The following C4orf54 variants were observed in gnomAD, a reference collection of about 807,000 sequenced individuals.
C4orf54 encodes the protein uncharacterized protein C4orf54.
In C4orf54, 67 loss-of-function variants were observed where a neutral mutation model predicts 80.1. The observed-to-expected ratio is 0.84, with a 90% CI of 0.69 to 1.03. The LOEUF (loss-of-function observed/expected upper bound fraction) is 1.03, where lower values mean the gene tolerates loss of function less well. Among genes scored for constraint, C4orf54 ranks in the 50% least tolerant of loss-of-function variants. The pLI is 0.00. For synonymous variants in C4orf54, 1,000 were observed against 917.0 expected (o/e 1.09, Z -1.64); for missense variants, 2,434 against 2,253.5 (o/e 1.08, Z -1.62).
Position 99,650,750 on chromosome 4 carries a change from T to A in C4orf54, c.3899A>T (p.Glu1300Val). 2 of 1,536,062 alleles carry A rather than the reference T, an allele frequency of 1.3e-6. No individual in the cohort carries two copies. The highest frequency in any genetic ancestry group is 8.7e-7 in the Non-Finnish European group (1 of 1,146,906). Residue 1300 changes from glutamate (E) to valine (V), a missense_variant, in exon 2 of 3, where the codon GAA (glutamate) becomes GTA (valine). Transcript: ENST00000511828. ...GTCTCCATCAGCAACCACTACCCCT[T>A]CCCTCTCCTCACTGGCAATGAGCGA... ...VLSLIASEER[E>V]GVVVADGDHD... is the part of the protein sequence containing the mutation.
chr4:99,641,161 G>A lies in C4orf54; in HGVS notation c.*72C>T, dbSNP rs1726601028. 6.6e-6 allele frequency: 1 copy of A among 151,912 alleles called. No homozygotes were observed. Among genetic ancestry groups the A allele is most frequent in the South Asian group, 2.1e-4 (1 of 4,828 alleles). 9.4% of individuals were successfully genotyped at this position (151,912 alleles called of 1,614,324 possible). ...TAGTGCTATTACAATGCAAATTCCAGATTAAAGAAGAATAGTCCATCTTTT... is the reference window on the plus strand; with the variant it reads ...TAGTGCTATTACAATGCAAATTCCAAATTAAAGAAGAATAGTCCATCTTTT... On this transcript the variant is annotated 3_prime_UTR_variant, in exon 3 of 3. Coordinates refer to ENST00000511828, the MANE Select transcript of C4orf54 (RefSeq NM_001354435.2).
At position 99,638,865 on chromosome 4, in the gene C4orf54, T is replaced by C. The variant is rs998749020; in HGVS notation, c.*2368A>G. 4 of 152,072 alleles carry C rather than the reference T, an allele frequency of 2.6e-5. No individual in the cohort carries two copies. The highest frequency in any genetic ancestry group is 9.7e-5 in the African/African-American group (4 of 41,450). 9.4% of individuals were successfully genotyped at this position (152,072 alleles called of 1,614,324 possible). A position where few individuals can be genotyped will look rare whatever the true frequency, so the allele number is the denominator to read the frequency against. ...TAGATGACATGATATTAATAGAACA[T>C]TATTTAAAAGTTGCGTTTTTAGCCA... On this transcript the variant is annotated 3_prime_UTR_variant, in exon 3 of 3. Transcript: ENST00000511828.
Position 99,637,625 on chromosome 4 carries a change from T to C in C4orf54, c.*3608A>G, listed in dbSNP as rs1474013097. 2.6e-5 allele frequency: 4 copies of C among 152,222 alleles called. No homozygotes were observed. Among genetic ancestry groups the C allele is most frequent in the Admixed American group, 6.5e-5 (1 of 15,276 alleles). 9.4% of individuals were successfully genotyped at this position (152,222 alleles called of 1,614,324 possible). ...TCTCCTTAGAAATTATGTGAAAGCC[T>C]AACATATTTTGTGAATTTGATTTTT... On this transcript the variant is annotated 3_prime_UTR_variant, in exon 3 of 3. Transcript: ENST00000511828.
rs893066259 is a variant in C4orf54, at chr4:99,639,602, C to T, written c.*1631G>A. On this transcript the variant is annotated 3_prime_UTR_variant, in exon 3 of 3. Transcript: ENST00000511828. ...TCATCAGCACAACAAGCAATTGAAT[C>T]GTGATCAGAGCTGACTATTCCCGCC... 1 of 152,074 alleles carries T rather than the reference C, an allele frequency of 6.6e-6. No individual in the cohort carries two copies. The highest frequency in any genetic ancestry group is 1.5e-5 in the Non-Finnish European group (1 of 67,976). The allele number at this position is 152,074 out of a possible 1,614,324, so 9.4% of individuals were successfully genotyped here. A position where few individuals can be genotyped will look rare whatever the true frequency, so the allele number is the denominator to read the frequency against.
In C4orf54 at chr4:99,653,096, T is replaced by C; in HGVS notation, c.1553A>G (p.Gln518Arg). Residue 518 changes from glutamine (Q) to arginine (R), a missense_variant, in exon 2 of 3, where the codon CAG (glutamine) becomes CGG (arginine). Physicochemically the swap from Gln to Arg is conservative, Grantham distance 43. Coordinates refer to ENST00000511828, the MANE Select transcript of C4orf54 (RefSeq NM_001354435.2). ...AGCCGGTTTGATTGATAGGAGGATC[T>C]GGCTTGCTGCACTCCCACAGCTGCT... is the stretch of plus-strand genomic sequence containing the variant. ...AASSCGSAAS[Q>R]ILLSIKPASR... The C allele has an allele frequency of 1.3e-6, 2 of 1,536,254 alleles. No homozygotes were observed.
rs1021690896 is a variant in C4orf54 at position 99,640,547 on chromosome 4, A to T, written c.*686T>A. ...TTTCAAGCCATTCTATTTTAAGGCAACAAATAGTGTCGTGGCATTGTACAA... is the reference window on the plus strand; with the variant it reads ...TTTCAAGCCATTCTATTTTAAGGCATCAAATAGTGTCGTGGCATTGTACAA... On this transcript the variant is annotated 3_prime_UTR_variant, in exon 3 of 3. Transcript: ENST00000511828. The T allele has an allele frequency of 6.6e-6, 1 of 152,218 alleles. No homozygotes were observed. The highest frequency in any genetic ancestry group is 2.4e-5 in the African/African-American group (1 of 41,476). The allele number at this position is 152,218 out of a possible 1,614,324, so 9.4% of individuals were successfully genotyped here. A position where few individuals can be genotyped will look rare whatever the true frequency, so the allele number is the denominator to read the frequency against.
chr4:99,652,185 G>T lies in C4orf54; in HGVS notation c.2464C>A (p.Gln822Lys). ...LLKNVISKKM[Q>K]REHEFKMERG... ...TCCATTTTGAACTCGTGTTCCCGCT[G>T]CATCTTCTTGGAAATGACATTTTTG... The change falls in exon 2 of 3, where the codon CAG (glutamine) becomes AAG (lysine). Residue 822 changes from glutamine to lysine, a missense_variant. Transcript: ENST00000511828. 1.3e-6 allele frequency: 2 copies of T among 1,536,036 alleles called. No individual in the cohort carries two copies. Among genetic ancestry groups the T allele is most frequent in the South Asian group, 2.4e-5 (2 of 84,054 alleles).
chr4:99,644,443 A>G (rs1726663999), intron 2 of C4orf54, among the ~76,000 whole-genome samples: 1 of 152,234 alleles, frequency 6.6e-6, no homozygotes. Context: ...AAATACATTA[A>G]GAAGATAAAA....
At chr4:99,643,773 C>T (rs1726645600) in intron 2 of C4orf54, among the ~76,000 whole-genome samples, 2 of 142,034 alleles carry the variant, frequency 1.4e-5, no homozygotes, top group East Asian at 4.0e-4. Context: ...CACACACACA[C>T]ACACACACAC....
At chr4:99,646,173 T>C (rs899707002) in intron 2 of C4orf54, among the ~76,000 whole-genome samples, 9 of 152,142 alleles carry the variant, frequency 5.9e-5, no homozygotes, top group Admixed American at 3.9e-4. Flanking sequence ...AAATACTTAT[T>C]ATTTGAACTG....
chr4:99,649,179 A>C, intron 2 of C4orf54, 52 bp downstream of exon 2: 1 of 1,410,110 alleles, frequency 7.1e-7, no homozygotes, highest in Non-Finnish European at 9.3e-7. Flanking sequence ...ACAAACAAAA[A>C]AATATTGTTC....
At position 99,654,606 on chromosome 4, in the gene C4orf54, CT is replaced by C. The variant is rs1726949382; in HGVS notation, c.42del (p.Asp15MetfsTer70). 1.0e-5 allele frequency: 7 copies of C among 701,946 alleles called. No individual in the cohort carries two copies. Among genetic ancestry groups the C allele is most frequent in the Non-Finnish European group, 1.8e-5 (7 of 384,060 alleles). 43.5% of individuals were successfully genotyped at this position (701,946 alleles called of 1,614,324 possible). A position where few individuals can be genotyped will look rare whatever the true frequency, so the allele number is the denominator to read the frequency against. On this transcript the variant is annotated frameshift_variant, in exon 2 of 3. Coordinates refer to ENST00000511828, the MANE Select transcript of C4orf54 (RefSeq NM_001354435.2). LOFTEE classifies it high-confidence loss of function. ...CCATCGGCCACGGAAGAAGCAGCATCTGTAGGTTGACCCCGGGACTTCCAGA... is the reference window on the plus strand; with the variant it reads ...CCATCGGCCACGGAAGAAGCAGCATCGTAGGTTGACCCCGGGACTTCCAGA... ...FHFWKSRGQP[T>X]DAASSVADGI... is the part of the protein sequence containing the mutation.
rs1419739015 is a variant in C4orf54 at position 99,638,005 on chromosome 4, A to C, written c.*3228T>G. ...AGCATTCAATTTGTAGCAAACACAG[A>C]CTTTGATTTCTATGAAGTATGAAAA... On this transcript the variant is annotated 3_prime_UTR_variant, in exon 3 of 3. Coordinates refer to ENST00000511828, the MANE Select transcript of C4orf54 (RefSeq NM_001354435.2). 1 of 152,180 alleles carries C rather than the reference A, an allele frequency of 6.6e-6. No individual in the cohort carries two copies. Among genetic ancestry groups the C allele is most frequent in the Non-Finnish European group, 1.5e-5 (1 of 68,016 alleles). The allele number at this position is 152,180 out of a possible 1,614,324, so 9.4% of individuals were successfully genotyped here.
intron 2 of C4orf54, among the ~76,000 whole-genome samples, chr4:99,645,290 G>C (rs958592756): frequency 6.6e-6 from 1 of 151,690 alleles, no homozygotes; most frequent in African/African-American, 2.4e-5. Context: ...TTTAGTTGCT[G>C]ATGCATGGGG....
chr4:99,651,198 TGGGGG>T lies in C4orf54; in HGVS notation c.3446_3450del (p.Ser1149TyrfsTer60). 6.5e-7 allele frequency: 1 copy of T among 1,536,154 alleles called. No individual in the cohort carries two copies. The highest frequency in any genetic ancestry group is 1.2e-5 in the South Asian group (1 of 84,062). On this transcript the variant is annotated frameshift_variant, in exon 2 of 3. Coordinates refer to ENST00000511828, the MANE Select transcript of C4orf54 (RefSeq NM_001354435.2). LOFTEE classifies it high-confidence loss of function. The stretch of plus-strand genomic sequence containing the variant: ...ACTACAGCCTGGCATGTAATCACCA[TGGGGG>T]ACAGGGATCCAGATCCGCCAGCTGC...
intron 1 of C4orf54, among the ~76,000 whole-genome samples, chr4:99,655,828 C>T (rs769343197): frequency 3.3e-5 from 5 of 152,098 alleles, no homozygotes; most frequent in African/African-American, 7.2e-5. Flanking sequence ...TCACTTATGC[C>T]GATTGAATAA....
rs1578269341 is a variant in C4orf54 at position 99,645,511 on chromosome 4, G to T, written c.*36+3720C>A. On this transcript the variant is annotated intron_variant, in intron 2 of 2. Coordinates refer to ENST00000511828, the MANE Select transcript of C4orf54 (RefSeq NM_001354435.2). ...CTTGTGCCAATGAAAGTTTTCTTTTGTTAATATTACATATTTATTTTATCT... is the reference window on the plus strand; with the variant it reads ...CTTGTGCCAATGAAAGTTTTCTTTTTTTAATATTACATATTTATTTTATCT... Among the ~76,000 whole-genome samples, 6 of 143,948 alleles carry T rather than the reference G, an allele frequency of 4.2e-5. No individual in the cohort carries two copies. The South Asian group carries it at 1.1e-3, about 27-fold the overall frequency. The allele number at this position is 143,948 out of a possible 152,430, so 94.4% of individuals were successfully genotyped here. A position where few individuals can be genotyped will look rare whatever the true frequency, so the allele number is the denominator to read the frequency against.
At position 99,650,497 on chromosome 4, in the gene C4orf54, G is replaced by A. The variant is rs779181037; in HGVS notation, c.4152C>T (p.Pro1384=). The change falls in exon 2 of 3, where the codon CCC becomes CCT. Residue 1384 remains proline (P), a synonymous_variant. Coordinates refer to ENST00000511828, the MANE Select transcript of C4orf54 (RefSeq NM_001354435.2). ...PVHKDVERTQ[P]LQPLPPLPSN... is the part of the protein sequence containing the mutation. Reference sequence around the variant, plus strand: ...TGGGGAGTGGTGGGAGGGGCTGCAGGGGTTGGGTTCTCTCTACATCCTTGT... The same window carrying A: ...TGGGGAGTGGTGGGAGGGGCTGCAGAGGTTGGGTTCTCTCTACATCCTTGT... The A allele has an allele frequency of 5.9e-6, 9 of 1,536,130 alleles. No homozygotes were observed. The South Asian group carries it at 8.3e-5, about 14-fold the overall frequency.
At position 99,650,150 on chromosome 4, in the gene C4orf54, G is replaced by C. The variant is rs138882703; in HGVS notation, c.4499C>G (p.Ala1500Gly). 1.6e-4 allele frequency: 239 copies of C among 1,536,030 alleles called. No homozygotes were observed. The African/African-American group carries it at 2.9e-3, about 19-fold the overall frequency. ...ASREGPPNSS[A>G]ATLCSLPPLS... is the part of the protein sequence containing the mutation. ...CGGGGGTAAACTACAGAGAGTGGCA[G>C]CTGAGGAGTTGGGGGGCCCCTCCCT... The change falls in exon 2 of 3, where the codon GCT becomes GGT. Residue 1500 changes from alanine (A) to glycine (G), a missense_variant. Physicochemically the swap from Ala to Gly is moderately conservative, Grantham distance 60. Coordinates refer to ENST00000511828, the MANE Select transcript of C4orf54 (RefSeq NM_001354435.2).
Sources: allele counts gnomAD v4.1 joint callset (sites outside exome capture counted in the v4.1 genomes callset), GRCh38; gene constraint gnomAD v4.1.1; transcripts MANE v1.5; gene names NCBI Gene and HGNC (gene_info 2026-07-23, HGNC 2026-07-21).